The following LPCAT2 variants were observed in gnomAD, a reference collection of about 807,000 sequenced individuals.
The protein encoded by LPCAT2 is lysophosphatidylcholine acyltransferase 2.
Under a neutral mutation model 64.7 loss-of-function variants are expected in LPCAT2, and 58 were observed. That is an observed-to-expected ratio of 0.90 (90% confidence interval 0.73 to 1.12). LPCAT2 has a LOEUF of 1.12. Ranked by LOEUF, LPCAT2 falls within the 50% of genes most tolerant of loss-of-function variation. The probability of loss-of-function intolerance (pLI) is 0.00; values close to 1 mark genes in which losing one functional copy is unlikely to be tolerated. For missense variants in LPCAT2, 579 were observed against 669.8 expected (o/e 0.86, Z 1.50); for synonymous variants, 252 against 245.3 (o/e 1.03, Z -0.26).
chr16:55,539,416 G>A (rs1963368881), intron 8 of LPCAT2: 1 of 152,112 alleles, frequency 6.6e-6, no homozygotes, highest in African/African-American at 2.4e-5. Context: ...CGCGTCGACA[G>A]AGATTTGATG....
At chr16:55,554,993 CAATTAT>C (rs1963558555) in intron 11 of LPCAT2, among the ~76,000 whole-genome samples, 1 of 152,048 alleles carries the variant, frequency 6.6e-6, no homozygotes, top group African/African-American at 2.4e-5. Context: ...TGCTCCAAAA[CAATTAT>C]AATAGTAGCA....
intron 11 of LPCAT2, among the ~76,000 whole-genome samples, chr16:55,571,147 A>G (rs188285498): frequency 1.3e-5 from 2 of 152,368 alleles, no homozygotes; most frequent in Admixed American, 1.3e-4. Context: ...ATAAAAAGTT[A>G]TAAAGAGTAT....
Position 55,574,745 on chromosome 16 carries a change from T to C in LPCAT2, c.1314+16T>C, listed in dbSNP as rs373704458. 39 of 1,591,616 alleles carry C rather than the reference T, an allele frequency of 2.5e-5. No homozygotes were observed. The highest frequency in any genetic ancestry group is 2.0e-4 in the African/African-American group (15 of 74,348). On this transcript the variant is annotated intron_variant, in intron 12 of 13. Coordinates refer to ENST00000262134, the MANE Select transcript of LPCAT2 (RefSeq NM_017839.5). ...GGCATTTAAGGTACTGTCAGCCCCA[T>C]TGAAAGCATCTTGGTCTGCCTTGTA...
intron 12 of LPCAT2, among the ~76,000 whole-genome samples, chr16:55,575,656 C>T (rs7186227): frequency 0.54 from 82,711 of 152,018 alleles, 22,941 homozygotes; most frequent in East Asian, 0.73. Context: ...AGAAGGCTTT[C>T]CCCCCTCTAT....
chr16:55,527,830 C>T lies in LPCAT2; in HGVS notation c.312-547C>T, dbSNP rs1226307520. Reference sequence around the variant, plus strand: ...ATGATATCTAAAAACTGTAACAATACGGATTACAAGACTTTTAAAAAAATT... The same window carrying T: ...ATGATATCTAAAAACTGTAACAATATGGATTACAAGACTTTTAAAAAAATT... On this transcript the variant is annotated intron_variant, in intron 2 of 13. Coordinates refer to ENST00000262134, the MANE Select transcript of LPCAT2 (RefSeq NM_017839.5). 1.1e-4 allele frequency among the ~76,000 whole-genome samples: 16 copies of T among 152,228 alleles called. No homozygotes were observed. The Middle Eastern group carries it at 0.01, about 97-fold the overall frequency.
At chr16:55,575,213 C>T (rs1473620189) in intron 12 of LPCAT2, among the ~76,000 whole-genome samples, 1 of 152,104 alleles carries the variant, frequency 6.6e-6, no homozygotes, top group African/African-American at 2.4e-5. Context: ...CAAGTTCCTG[C>T]CCCTCATGTC....
chr16:55,567,525 A>T lies in LPCAT2; in HGVS notation c.1216-7106A>T, dbSNP rs575088210. On this transcript the variant is annotated intron_variant, in intron 11 of 13. Transcript: ENST00000262134. ...CTGAAGTGGGAACTGAGAAGTCAAG[A>T]TCCTCCCTGGAGGACAGGACTGAAA... 3 of 1,603,580 alleles carry T rather than the reference A, an allele frequency of 1.9e-6. No individual in the cohort carries two copies. In the South Asian group the frequency reaches 3.3e-5, roughly 18 times the overall value.
At chr16:55,515,073 G>A (rs1006740300) in intron 1 of LPCAT2, among the ~76,000 whole-genome samples, 3 of 152,052 alleles carry the variant, frequency 2.0e-5, no homozygotes, top group Admixed American at 1.3e-4. Context: ...ACCTGTGGAC[G>A]CTATCAGCTT....
At chr16:55,537,516 G>T in intron 7 of LPCAT2, 62 bp from the exon 8 acceptor site, 1 of 1,298,688 alleles carries the variant, frequency 7.7e-7, no homozygotes, top group Non-Finnish European at 1.1e-6. Flanking sequence ...AATGATTGTT[G>T]AATAATATAA....
At chr16:55,531,558 G>C (rs1963253114) in intron 4 of LPCAT2, among the ~76,000 whole-genome samples, 1 of 152,088 alleles carries the variant, frequency 6.6e-6, no homozygotes, top group South Asian at 2.1e-4. Flanking sequence ...AAATTATTTG[G>C]TTAAGGATAT....
chr16:55,522,533 T>TGAA (rs61663794), intron 1 of LPCAT2, among the ~76,000 whole-genome samples: 1 of 151,498 alleles, frequency 6.6e-6, no homozygotes, highest in South Asian at 2.1e-4. Context: ...TTCAGAAAAA[T>TGAA]GAAGAAGAAG....
At chr16:55,550,406 G>T (rs1267248583) in intron 10 of LPCAT2, among the ~76,000 whole-genome samples, 1 of 152,064 alleles carries the variant, frequency 6.6e-6, no homozygotes, top group African/African-American at 2.4e-5. Context: ...TTCATTATCA[G>T]CCTGAAAGCT....
chr16:55,534,205 A>G (rs9941326), intron 6 of LPCAT2, among the ~76,000 whole-genome samples: 15,730 of 152,170 alleles, frequency 0.1, 1,099 homozygotes, highest in African/African-American at 0.19. Context: ...TAAAAAATTA[A>G]AACAAGTCAT....
chr16:55,564,484 G>A (rs1169603889), intron 11 of LPCAT2, among the ~76,000 whole-genome samples: 1 of 151,896 alleles, frequency 6.6e-6, no homozygotes. Context: ...TGCAGCACTG[G>A]TTTCAAGAAA....
intron 3 of LPCAT2, 141 bp from the exon 4 acceptor site, chr16:55,529,694 G>A (rs1035720825): frequency 2.2e-6 from 1 of 452,392 alleles, no homozygotes; most frequent in South Asian, 5.0e-5. Context: ...TAGAAGCTAA[G>A]TTCTAATAAA....
chr16:55,578,449 C>G (rs778377687), intron 12 of LPCAT2, among the ~76,000 whole-genome samples: 1 of 152,138 alleles, frequency 6.6e-6, no homozygotes, highest in Non-Finnish European at 1.5e-5. Context: ...TACTTCTGAC[C>G]TTTCCATCAC....
chr16:55,556,753 A>C (rs1963581463), intron 11 of LPCAT2, among the ~76,000 whole-genome samples: 1 of 152,236 alleles, frequency 6.6e-6, no homozygotes, highest in African/African-American at 2.4e-5. Flanking sequence ...GTCTCAAAAA[A>C]AAAAGAGAAA....
At chr16:55,543,681 T>G (rs1238292904) in intron 8 of LPCAT2, among the ~76,000 whole-genome samples, 1 of 152,184 alleles carries the variant, frequency 6.6e-6, no homozygotes, top group Non-Finnish European at 1.5e-5. Context: ...TTAGTTTATT[T>G]TTCTATCTTA....
chr16:55,530,514 G>A (rs1286649262), intron 4 of LPCAT2, among the ~76,000 whole-genome samples: 1 of 151,742 alleles, frequency 6.6e-6, no homozygotes, highest in Non-Finnish European at 1.5e-5. Context: ...AACATTTACT[G>A]CAAAATAAGC....
Sources: allele counts gnomAD v4.1 joint callset (sites outside exome capture counted in the v4.1 genomes callset), GRCh38; gene constraint gnomAD v4.1.1; transcripts MANE v1.5; gene names NCBI Gene and HGNC (gene_info 2026-07-23, HGNC 2026-07-21).